MTUS2: variants seen among roughly 807,000 people sequenced by gnomAD.
MTUS2 encodes microtubule-associated tumor suppressor candidate 2.
Under a neutral mutation model 114.1 loss-of-function variants are expected in MTUS2, and 40 were observed. The ratio of observed to expected loss-of-function variants is 0.35; its 90% CI spans 0.27 to 0.46. The LOEUF (loss-of-function observed/expected upper bound fraction) is 0.46, where lower values mean the gene tolerates loss of function less well. Ranked by LOEUF, MTUS2 falls within the 20% of genes least tolerant of loss-of-function variation. MTUS2 has a pLI of 1.00. For synonymous variants in MTUS2, 688 were observed against 672.0 expected (o/e 1.02, Z -0.37); for missense variants, 1,679 against 1,705.4 (o/e 0.98, Z 0.27).
At position 29,099,661 on chromosome 13, in the gene MTUS2, A is replaced by G. The variant is rs115891096; in HGVS notation, c.2447-1112A>G. ...ACTGGATAATGAAGACTTGACTAGC[A>G]TAAGAATGCCACTGAATGGGCAGTA... On this transcript the variant is annotated intron_variant, in intron 4 of 15. Transcript: ENST00000612955. Among the ~76,000 whole-genome samples the G allele has an allele frequency of 6.4e-3, 979 of 152,330 alleles. 11 individuals carry two copies. The highest frequency in any genetic ancestry group is 0.022 in the African/African-American group (912 of 41,566).
At chr13:29,200,519 C>CTTTTTTTTTT (rs1593593508) in intron 5 of MTUS2, among the ~76,000 whole-genome samples, 1 of 29,956 alleles carries the variant, frequency 3.3e-5, no homozygotes, top group Non-Finnish European at 5.8e-5. Flanking sequence ...GTTTCTTTTT[C>CTTTTTTTTTT]TGTTTTTTTT....
chr13:29,468,947 T>C (rs1056768698), intron 9 of MTUS2, among the ~76,000 whole-genome samples: 1 of 152,160 alleles, frequency 6.6e-6, no homozygotes, highest in Admixed American at 6.5e-5. Context: ...AAGGAAATTA[T>C]AATAAAAACT....
At chr13:29,031,346 A>G (rs904007504) in intron 3 of MTUS2, among the ~76,000 whole-genome samples, 2 of 151,306 alleles carry the variant, frequency 1.3e-5, no homozygotes, top group South Asian at 2.1e-4. Flanking sequence ...TTCAATATAT[A>G]TATCTCATAT....
chr13:29,270,385 T>A (rs1217943415), intron 5 of MTUS2, among the ~76,000 whole-genome samples: 3 of 152,148 alleles, frequency 2.0e-5, no homozygotes, highest in Non-Finnish European at 2.9e-5. Flanking sequence ...CTCTGCCGCA[T>A]GCCTGTCACA....
At chr13:29,321,300 G>C (rs1216040563) in intron 6 of MTUS2, among the ~76,000 whole-genome samples, 2 of 152,218 alleles carry the variant, frequency 1.3e-5, no homozygotes, top group African/African-American at 4.8e-5. Flanking sequence ...CAACAGCCGG[G>C]AGGCAGTAGG....
rs544360623 is a variant in MTUS2, at chr13:28,900,438, C to G, written c.-243+60588C>G. 3.9e-5 allele frequency among the ~76,000 whole-genome samples: 6 copies of G among 152,280 alleles called. No homozygotes were observed. In the South Asian group the frequency reaches 1.2e-3, roughly 32 times the overall value. The stretch of plus-strand genomic sequence containing the variant: ...TTTTATAACCACAGACACTGTTCCC[C>G]CAACCTGCTCTCTGCCATCATCCTT... On this transcript the variant is annotated intron_variant, in intron 2 of 15. Coordinates refer to ENST00000612955, the MANE Select transcript of MTUS2 (RefSeq NM_001033602.4).
Position 29,359,265 on chromosome 13 carries a change from A to G in MTUS2, c.2909A>G (p.Tyr970Cys), listed in dbSNP as rs1870022101. 1 of 1,597,244 alleles carries G rather than the reference A, an allele frequency of 6.3e-7. No individual in the cohort carries two copies. ...ASTTKLHSPG[Y>C]PKQRTAAARN... is the part of the protein sequence containing the mutation. ...GGTTTGGTTTTCTTTCTCACAGGAT[A>G]CCCAAAGCAGAGGACTGCGGCAGCT... is the stretch of plus-strand genomic sequence containing the variant. The change falls in exon 8 of 16, where the codon TAC becomes TGC. Residue 970 changes from tyrosine to cysteine, a missense_variant. Around this residue, in one of 3 missense-constraint regions of MTUS2, gnomAD observed 822 missense variants for 899.7 expected, o/e 0.91. Coordinates refer to ENST00000612955, the MANE Select transcript of MTUS2 (RefSeq NM_001033602.4).
At chr13:29,002,817 T>C (rs1566283996) in intron 2 of MTUS2, among the ~76,000 whole-genome samples, 1 of 152,234 alleles carries the variant, frequency 6.6e-6, no homozygotes, top group Non-Finnish European at 1.5e-5. Flanking sequence ...CTTGACATAA[T>C]TCAAACTTTA....
At chr13:29,133,246 T>C (rs1045848577) in intron 5 of MTUS2, among the ~76,000 whole-genome samples, 2 of 152,154 alleles carry the variant, frequency 1.3e-5, no homozygotes, top group African/African-American at 4.8e-5. Context: ...GAGTTTTCTG[T>C]GTATTCTGGA....
At chr13:29,374,959 C>T (rs1375302012) in intron 8 of MTUS2, among the ~76,000 whole-genome samples, 1 of 152,044 alleles carries the variant, frequency 6.6e-6, no homozygotes, top group Admixed American at 6.6e-5. Flanking sequence ...GAAATAAAGA[C>T]ATTCTCACAT....
At chr13:29,307,357 A>C in intron 6 of MTUS2, 1 of 749,848 alleles carries the variant, frequency 1.3e-6, no homozygotes, top group South Asian at 1.5e-5. Flanking sequence ...ACCATCCAGG[A>C]GACTGTGGTG....
intron 4 of MTUS2, among the ~76,000 whole-genome samples, chr13:29,080,154 G>A (rs550708844): frequency 6.6e-6 from 1 of 152,248 alleles, no homozygotes; most frequent in Admixed American, 6.5e-5. Flanking sequence ...TGTGGACATA[G>A]GTGGATTCGT....
intron 2 of MTUS2, among the ~76,000 whole-genome samples, chr13:28,984,048 C>G (rs967637084): frequency 6.6e-6 from 1 of 152,178 alleles, no homozygotes; most frequent in South Asian, 2.1e-4. Context: ...GTGGGCTTGA[C>G]AACAGATTCC....
chr13:29,299,014 G>C (rs1899073100), intron 6 of MTUS2, among the ~76,000 whole-genome samples: 1 of 152,206 alleles, frequency 6.6e-6, no homozygotes. Context: ...CAACAGGGAA[G>C]TGGCAATTAG....
intron 8 of MTUS2, among the ~76,000 whole-genome samples, chr13:29,372,189 A>G (rs1252703244): frequency 6.6e-6 from 1 of 151,602 alleles, no homozygotes; most frequent in East Asian, 1.9e-4. Flanking sequence ...CTCCAAATCT[A>G]GTGTGCACCT....
At position 28,845,750 on chromosome 13, in the gene MTUS2, T is replaced by C. The variant is rs532668773; in HGVS notation, c.-243+5900T>C. ...ATCAGATAGCCACAAAGAAGGACGA[T>C]GTAGACTTTGGTGACACTCTGGGTC... On this transcript the variant is annotated intron_variant, in intron 2 of 15. Transcript: ENST00000612955. 1.3e-3 allele frequency among the ~76,000 whole-genome samples: 193 copies of C among 152,078 alleles called. 1 individual carries two copies. Among genetic ancestry groups the C allele is most frequent in the African/African-American group, 4.3e-3 (180 of 41,520 alleles).
At chr13:29,093,765 T>C (rs1890061961) in intron 4 of MTUS2, among the ~76,000 whole-genome samples, 1 of 152,220 alleles carries the variant, frequency 6.6e-6, no homozygotes, top group Non-Finnish European at 1.5e-5. Context: ...GCCTAATTTC[T>C]CTGGCTAGCA....
At chr13:28,909,633 C>G (rs1328707974) in intron 2 of MTUS2, among the ~76,000 whole-genome samples, 1 of 152,180 alleles carries the variant, frequency 6.6e-6, no homozygotes, top group Non-Finnish European at 1.5e-5. Flanking sequence ...CAGGGATGCC[C>G]TCTGTCACCA....
At chr13:29,161,367 A>T (rs985385634) in intron 5 of MTUS2, among the ~76,000 whole-genome samples, 3 of 151,704 alleles carry the variant, frequency 2.0e-5, no homozygotes, top group Non-Finnish European at 4.4e-5. Context: ...GAAGGAAAAA[A>T]ATAATTTTAA....
Sources: allele counts gnomAD v4.1 joint callset (sites outside exome capture counted in the v4.1 genomes callset), GRCh38; gene constraint gnomAD v4.1.1; regional missense constraint gnomAD v4.1.1; transcripts MANE v1.5; gene names NCBI Gene and HGNC (gene_info 2026-07-23, HGNC 2026-07-21).